MRGPRF: variants seen among roughly 807,000 people sequenced by gnomAD.
MRGPRF encodes the protein mas-related G protein-coupled receptor member F.
MRGPRF carries 2 observed loss-of-function variants against 3.3 expected under a neutral mutation model. The ratio of observed to expected loss-of-function variants is 0.61; its 90% CI spans 0.25 to 1.92. The LOEUF is 1.92. Ranked by LOEUF, MRGPRF falls within the 40% of genes most tolerant of loss-of-function variation. The probability of loss-of-function intolerance (pLI) is 0.16; values close to 1 mark genes in which losing one functional copy is unlikely to be tolerated. For missense variants in MRGPRF, 500 were observed against 476.0 expected (o/e 1.05, Z -0.47); for synonymous variants, 242 against 222.7 (o/e 1.09, Z -0.77).
chr11:69,011,158 C>A (rs1860588559), intron 1 of MRGPRF, among the ~76,000 whole-genome samples: 1 of 152,138 alleles, frequency 6.6e-6, no homozygotes, highest in African/African-American at 2.4e-5. Context: ...GCCGCGCACT[C>A]CTCCCGCCCG....
At chr11:69,012,201 C>T (rs927989826) in intron 1 of MRGPRF, 2 of 152,316 alleles carry the variant, frequency 1.3e-5, no homozygotes, top group Admixed American at 1.3e-4. Flanking sequence ...CACACCTGAC[C>T]CTCCCCTCGG....
rs1860429049 is a variant in MRGPRF at position 69,004,478 on chromosome 11, C to G, written c.*800G>C. ...GGCCACATTGGGCCACTGTGCACCA[C>G]AGTGCCAGTCCCCAGGTGGCCAGGG... is the stretch of plus-strand genomic sequence containing the variant. On this transcript the variant is annotated 3_prime_UTR_variant, in exon 3 of 3. Transcript: ENST00000309099. The G allele has an allele frequency of 6.6e-6, 1 of 152,400 alleles. No individual in the cohort carries two copies. The highest frequency in any genetic ancestry group is 3.4e-3 in the Middle Eastern group (1 of 294). The allele number at this position is 152,400 out of a possible 1,614,324, so 9.4% of individuals were successfully genotyped here.
intron 2 of MRGPRF, 136 bp from the exon 3 acceptor site, chr11:69,006,397 G>T: frequency 9.0e-7 from 1 of 1,115,604 alleles, no homozygotes; most frequent in Non-Finnish European, 1.2e-6. Flanking sequence ...TAAGGCAGTG[G>T]CTGTGGAGCA....
chr11:69,006,342 A>G (rs1385019079), intron 2 of MRGPRF, 81 bp from the exon 3 acceptor site: 333 of 1,278,102 alleles, frequency 2.6e-4, no homozygotes, highest in South Asian at 1.5e-3. Context: ...AGCGTGGGGG[A>G]GGGGGGGGGT....
intron 2 of MRGPRF, among the ~76,000 whole-genome samples, chr11:69,006,619 C>CT (rs11326908): frequency 0.24 from 25,909 of 107,222 alleles, 3,866 homozygotes; most frequent in Middle Eastern, 0.28. Context: ...GAGCCTTTCC[C>CT]TTTTTTTTTT....
rs980314990 is a variant in MRGPRF, at chr11:69,008,443, G to C, written c.48+1411C>G. On this transcript the variant is annotated intron_variant, in intron 2 of 2. Transcript: ENST00000309099. ...CCACCTTCAGATGACTCCCAGCTCT[G>C]GCAGAAAGCTGGGTCCTGAGAGACT... Among the ~76,000 whole-genome samples, 16 of 152,292 alleles carry C rather than the reference G, an allele frequency of 1.1e-4. No homozygotes were observed. In the East Asian group the frequency reaches 3.1e-3, roughly 29 times the overall value.
intron 2 of MRGPRF, among the ~76,000 whole-genome samples, chr11:69,008,263 G>A (rs539297479): frequency 2.0e-4 from 30 of 152,288 alleles, no homozygotes; most frequent in African/African-American, 5.3e-4. Context: ...AGTCCTCTCC[G>A]ACCTTTCCCC....
Position 69,005,444 on chromosome 11 carries a change from A to G in MRGPRF, c.866T>C (p.Ile289Thr), listed in dbSNP as rs1031429929. 2 of 1,589,888 alleles carry G rather than the reference A, an allele frequency of 1.3e-6. No individual in the cohort carries two copies. Among genetic ancestry groups the G allele is most frequent in the African/African-American group, 2.7e-5 (2 of 74,432 alleles). ...CICINSSAKP[I>T]VYFLAGRDKS... ...GTCCCTCCCGGCCAGGAAGTAGACG[A>G]TGGGCTTGGCGCTGCTGTTGATGCA... The change falls in exon 3 of 3, where the codon ATC becomes ACC. Residue 289 changes from isoleucine to threonine, a missense_variant. Ile to Thr is a moderately conservative substitution (Grantham distance 89, BLOSUM62 -1). Coordinates refer to ENST00000309099, the MANE Select transcript of MRGPRF (RefSeq NM_145015.5).
Position 69,009,888 on chromosome 11 carries a change from C to A in MRGPRF, c.14G>T (p.Cys5Phe). The change falls in exon 2 of 3, where the codon TGC becomes TTC. Residue 5 changes from cysteine to phenylalanine, a missense_variant. By Grantham distance (205) the Cys-to-Phe change is radical. Coordinates refer to ENST00000309099, the MANE Select transcript of MRGPRF (RefSeq NM_145015.5). MAGN[C>F]SWEAHPGNRN... is the part of the protein sequence containing the mutation. ...GTTGCCGGGATGGGCCTCCCAGGAG[C>A]AGTTTCCAGCCATCTCCAGGCCTGG... is the stretch of plus-strand genomic sequence containing the variant. The A allele has an allele frequency of 6.2e-7, 1 of 1,608,386 alleles. No individual in the cohort carries two copies. Among genetic ancestry groups the A allele is most frequent in the Non-Finnish European group, 8.5e-7 (1 of 1,179,378 alleles).
rs1431420882 is a variant in MRGPRF, at chr11:69,005,123, C to G, written c.*155G>C. 2.0e-6 allele frequency: 2 copies of G among 999,192 alleles called. No individual in the cohort carries two copies. Among genetic ancestry groups the G allele is most frequent in the African/African-American group, 3.3e-5 (2 of 60,912 alleles). The allele number at this position is 999,192 out of a possible 1,614,324, so 61.9% of individuals were successfully genotyped here. On this transcript the variant is annotated 3_prime_UTR_variant, in exon 3 of 3. Transcript: ENST00000309099. ...GGTGGCTGCCCAGTCTCCCAGCCAC[C>G]CCTGGAGTCCCCAGCCCAGGGAGAA...
chr11:69,008,299 A>G (rs898438861), intron 2 of MRGPRF, among the ~76,000 whole-genome samples: 13 of 152,140 alleles, frequency 8.5e-5, no homozygotes, highest in African/African-American at 2.9e-4. Flanking sequence ...GCCTGCCCGG[A>G]GAACAGTCAC....
chr11:69,012,922 C>A (rs1039072379), intron 1 of MRGPRF, 161 bp downstream of exon 1: 1 of 152,452 alleles, frequency 6.6e-6, no homozygotes, highest in East Asian at 1.9e-4. Flanking sequence ...TCTCAGGGCT[C>A]CCTGCCTGGG....
rs1468278002 is a variant in MRGPRF, at chr11:69,005,347, C to G, written c.963G>C (p.Gly321=). 2 of 1,566,544 alleles carry G rather than the reference C, an allele frequency of 1.3e-6. No individual in the cohort carries two copies. Among genetic ancestry groups the G allele is most frequent in the Non-Finnish European group, 1.7e-6 (2 of 1,157,284 alleles). The stretch of plus-strand genomic sequence containing the variant: ...TGTTGGGCGTGCTGCCCCCGGCCTC[C>G]CCCAGCTCAGCGCCGTCCCGCAGGG... ...QRALRDGAEL[G]EAGGSTPNTV... is the part of the protein sequence containing the mutation. Residue 321 remains glycine (G), a synonymous_variant, in exon 3 of 3, where the codon GGG becomes GGC. Coordinates refer to ENST00000309099, the MANE Select transcript of MRGPRF (RefSeq NM_145015.5).
At chr11:69,010,749 T>G (rs1425326473) in intron 1 of MRGPRF, among the ~76,000 whole-genome samples, 2 of 152,058 alleles carry the variant, frequency 1.3e-5, no homozygotes, top group Non-Finnish European at 2.9e-5. Context: ...GCACCCACCC[T>G]AGGGCTGCCA....
rs748268448 is a variant in MRGPRF at position 69,009,902 on chromosome 11, C to G, written c.-1G>C. 16 of 1,606,022 alleles carry G rather than the reference C, an allele frequency of 1.0e-5. No homozygotes were observed. Among genetic ancestry groups the G allele is most frequent in the South Asian group, 9.9e-5 (9 of 90,520 alleles). On this transcript the variant is annotated 5_prime_UTR_variant, in exon 2 of 3. Transcript: ENST00000309099. The stretch of plus-strand genomic sequence containing the variant: ...CCTCCCAGGAGCAGTTTCCAGCCAT[C>G]TCCAGGCCTGGCGCGTCTGGGCCCC...
intron 1 of MRGPRF, among the ~76,000 whole-genome samples, chr11:69,010,425 C>CCG (rs1860571339): frequency 1.3e-5 from 2 of 152,212 alleles, no homozygotes; most frequent in African/African-American, 4.8e-5. Flanking sequence ...TTTGGCTGAG[C>CCG]CGCGGTTTGT....
chr11:69,005,908 C>A lies in MRGPRF; in HGVS notation c.402G>T (p.Leu134=). 6.4e-7 allele frequency: 1 copy of A among 1,573,616 alleles called. No homozygotes were observed. The highest frequency in any genetic ancestry group is 1.2e-5 in the South Asian group (1 of 86,258). The change falls in exon 3 of 3, where the codon CTG becomes CTT. Residue 134 remains leucine (L), a synonymous_variant. Coordinates refer to ENST00000309099, the MANE Select transcript of MRGPRF (RefSeq NM_145015.5). ...LCMFLTGVSL[L]PAVSAERCAS... is the part of the protein sequence containing the mutation. ...CGCAGCGCTCGGCGCTGACGGCCGGCAGGAGGCTCACGCCGGTAAGGAACA... is the reference window on the plus strand; with the variant it reads ...CGCAGCGCTCGGCGCTGACGGCCGGAAGGAGGCTCACGCCGGTAAGGAACA...
intron 1 of MRGPRF, among the ~76,000 whole-genome samples, chr11:69,011,780 A>T (rs754548179): frequency 6.6e-6 from 1 of 151,966 alleles, no homozygotes; most frequent in Non-Finnish European, 1.5e-5. Context: ...GTTTCCAGAG[A>T]TGTCCTGACT....
intron 2 of MRGPRF, among the ~76,000 whole-genome samples, chr11:69,007,360 G>T (rs528962008): frequency 6.6e-6 from 1 of 151,998 alleles, no homozygotes; most frequent in Non-Finnish European, 1.5e-5. Context: ...GGCACGCACC[G>T]CCATGCCTGA....
Sources: gnomAD v4.1 joint callset for allele counts (sites outside exome capture counted in the v4.1 genomes callset) on GRCh38, gnomAD v4.1.1 for gene constraint, MANE v1.5 for transcripts, NCBI Gene and HGNC (gene_info 2026-07-23, HGNC 2026-07-21) for gene names.